Variants in ISM1 observed in about 807,000 individuals in gnomAD.
ISM1 encodes isthmin 1.
In ISM1, 25 loss-of-function variants were observed where a neutral mutation model predicts 46.3. That is an observed-to-expected ratio of 0.54 (90% CI 0.39 to 0.75). The LOEUF (loss-of-function observed/expected upper bound fraction) is 0.75. Ranked by LOEUF, ISM1 falls within the 30% of genes least tolerant of loss-of-function variation. The pLI, the probability that ISM1 is intolerant of heterozygous loss-of-function variation, is 0.00. For missense variants in ISM1, 536 were observed against 625.4 expected, an observed-to-expected ratio of 0.86 and a Z score of 1.52; for synonymous variants, 255 against 256.7, an observed-to-expected ratio of 0.99 and a Z score of 0.06.
chr20:13,255,067 T>C (rs76657491), intron 1 of ISM1, among the ~76,000 whole-genome samples: 9,321 of 152,194 alleles, frequency 0.061, 405 homozygotes, highest in Middle Eastern at 0.13. Context: ...AGCCCATAAA[T>C]AGAATAATTT....
chr20:13,277,879 C>T (rs549444841), intron 2 of ISM1, among the ~76,000 whole-genome samples: 9 of 152,116 alleles, frequency 5.9e-5, no homozygotes, highest in African/African-American at 1.4e-4. Flanking sequence ...AACCACAGCC[C>T]GGGCCCATTG....
Position 13,288,618 on chromosome 20 carries a change from C to G in ISM1, c.722C>G (p.Thr241Ser). The G allele has an allele frequency of 6.2e-7, 1 of 1,613,984 alleles. No homozygotes were observed. Among genetic ancestry groups the G allele is most frequent in the African/African-American group, 1.3e-5 (1 of 75,048 alleles). Residue 241 changes from threonine (T) to serine (S), a missense_variant, in exon 4 of 6, where the codon ACC becomes AGC. Transcript: ENST00000262487. Reference protein sequence around the residue: ...VTCGNGNQKRTRSCGYACTAT... With the variant: ...VTCGNGNQKRSRSCGYACTAT... ...TGCGGGAACGGCAACCAGAAACGGACCCGGTCTTGTGGCTACGCGTGCACT... is the reference window on the plus strand; with the variant it reads ...TGCGGGAACGGCAACCAGAAACGGAGCCGGTCTTGTGGCTACGCGTGCACT...
intron 1 of ISM1, among the ~76,000 whole-genome samples, chr20:13,231,001 C>A (rs1209057096): frequency 6.6e-6 from 1 of 152,098 alleles, no homozygotes; most frequent in Admixed American, 6.5e-5. Context: ...GATAATGTAC[C>A]CTTCTGGCTC....
Position 13,299,761 on chromosome 20 carries a change from A to G in ISM1, c.*302A>G, listed in dbSNP as rs541737173. 3.4e-5 allele frequency: 10 copies of G among 291,890 alleles called. No homozygotes were observed. Among genetic ancestry groups the G allele is most frequent in the African/African-American group, 1.7e-4 (8 of 47,920 alleles). 18.1% of individuals were successfully genotyped at this position (291,890 alleles called of 1,614,324 possible). ...TGGAAGCCACAGTGGGTGCGACTCA[A>G]TTCACACCCGGATCCAGAGTTTCAA... On this transcript the variant is annotated 3_prime_UTR_variant, in exon 6 of 6. Coordinates refer to ENST00000262487, the MANE Select transcript of ISM1 (RefSeq NM_080826.2). The surrounding 1 kb of genome is among the most constrained non-coding windows in gnomAD (Gnocchi z 5.8).
rs2039445240 is a variant in ISM1, at chr20:13,221,435, G to C, written c.-342G>C. ...CAGGGTGGCCTCCGGCCCGGCCCGGGTCCCGGGCTGTCCCGGGACCCAGTC... is the reference window on the plus strand; with the variant it reads ...CAGGGTGGCCTCCGGCCCGGCCCGGCTCCCGGGCTGTCCCGGGACCCAGTC... On this transcript the variant is annotated 5_prime_UTR_variant, in exon 1 of 6. Transcript: ENST00000262487. Among the ~76,000 whole-genome samples, 1 of 130,384 alleles carries C rather than the reference G, an allele frequency of 7.7e-6. No homozygotes were observed. The highest frequency in any genetic ancestry group is 2.3e-4 in the South Asian group (1 of 4,288). The allele number at this position is 130,384 out of a possible 152,430, so 85.5% of individuals were successfully genotyped here. A position where few individuals can be genotyped will look rare whatever the true frequency, so the allele number is the denominator to read the frequency against.
chr20:13,293,302 C>A (rs902296020), intron 5 of ISM1, among the ~76,000 whole-genome samples: 5 of 151,744 alleles, frequency 3.3e-5, no homozygotes, highest in African/African-American at 1.2e-4. Flanking sequence ...TAAATGTAAA[C>A]CAAACAAAAT....
chr20:13,248,041 T>C (rs944734237), intron 1 of ISM1, among the ~76,000 whole-genome samples: 3 of 152,164 alleles, frequency 2.0e-5, no homozygotes, highest in Admixed American at 2.0e-4. Context: ...GCAAACCTGA[T>C]TTTCCAAGTT....
chr20:13,314,318 ACC>A, the ISM1 span, among the ~76,000 whole-genome samples: 1 of 152,096 alleles, frequency 6.6e-6, no homozygotes, highest in African/African-American at 2.4e-5. Context: ...AAACCCCTAC[ACC>A]TAGGCATATG....
downstream of ISM1, among the ~76,000 whole-genome samples, chr20:13,305,298 A>G (rs957828366): frequency 2.0e-5 from 3 of 151,962 alleles, no homozygotes; most frequent in East Asian, 3.9e-4. Context: ...GTACTTTTCC[A>G]TAATTTTAGA....
intron 3 of ISM1, among the ~76,000 whole-genome samples, chr20:13,284,180 T>C (rs567244060): frequency 6.6e-6 from 1 of 152,354 alleles, no homozygotes; most frequent in South Asian, 2.1e-4. Flanking sequence ...CAGTAATCGG[T>C]AGACACTGTC....
intron 1 of ISM1, among the ~76,000 whole-genome samples, chr20:13,224,718 G>T (rs935817142): frequency 1.3e-5 from 2 of 151,916 alleles, no homozygotes; most frequent in Admixed American, 6.6e-5. Context: ...TCTTATTTAA[G>T]GATATATCAA....
At chr20:13,316,918 C>T in the ISM1 span, among the ~76,000 whole-genome samples, 1 of 151,596 alleles carries the variant, frequency 6.6e-6, no homozygotes, top group African/African-American at 2.4e-5. Context: ...CAACATCATA[C>T]TACAAGTCCT....
intron 2 of ISM1, among the ~76,000 whole-genome samples, chr20:13,274,941 C>A (rs1354805326): frequency 6.6e-6 from 1 of 152,126 alleles, no homozygotes; most frequent in Non-Finnish European, 1.5e-5. Flanking sequence ...TGGGTTTTAT[C>A]AAAAACAAAA....
chr20:13,249,169 A>G lies in ISM1; in HGVS notation c.139-21335A>G, dbSNP rs146582095. ...AATAAGGACACAAAGATCTGGGGGG[A>G]AAAAGCCAAATCTCACGGGAATCAG... is the stretch of plus-strand genomic sequence containing the variant. On this transcript the variant is annotated intron_variant, in intron 1 of 5. Transcript: ENST00000262487. Among the ~76,000 whole-genome samples the G allele has an allele frequency of 6.9e-3, 1,048 of 152,250 alleles. 9 individuals carry two copies. The highest frequency in any genetic ancestry group is 0.022 in the African/African-American group (897 of 41,534).
chr20:13,316,930 T>G, the ISM1 span, among the ~76,000 whole-genome samples: 1 of 151,440 alleles, frequency 6.6e-6, no homozygotes, highest in African/African-American at 2.4e-5. Flanking sequence ...ACAAGTCCTA[T>G]CTAATGCAAT....
intron 1 of ISM1, among the ~76,000 whole-genome samples, chr20:13,264,301 C>A (rs1472007319): frequency 6.6e-6 from 1 of 152,162 alleles, no homozygotes; most frequent in Non-Finnish European, 1.5e-5. Context: ...TCCTAGACAG[C>A]CACAATTTGT....
chr20:13,258,390 G>A (rs2039950983), intron 1 of ISM1, among the ~76,000 whole-genome samples: 1 of 152,060 alleles, frequency 6.6e-6, no homozygotes, highest in South Asian at 2.1e-4. Flanking sequence ...GGCTTTACTG[G>A]CCCTGGATAC....
At chr20:13,324,984 C>T in the ISM1 span, among the ~76,000 whole-genome samples, 3 of 152,200 alleles carry the variant, frequency 2.0e-5, no homozygotes, top group African/African-American at 2.4e-5. Flanking sequence ...TGTTTCTTTT[C>T]GGCTTCTTAT....
At chr20:13,309,174 A>G in the ISM1 span, among the ~76,000 whole-genome samples, 2 of 152,156 alleles carry the variant, frequency 1.3e-5, no homozygotes, top group African/African-American at 4.8e-5. Context: ...TAAAAATACT[A>G]AACTATGCAT....
Sources: gnomAD v4.1 joint callset for allele counts (sites outside exome capture counted in the v4.1 genomes callset) on GRCh38, gnomAD v4.1.1 for gene constraint, Gnocchi (gnomAD v3.1) non-coding constraint, MANE v1.5 for transcripts, NCBI Gene and HGNC (gene_info 2026-07-23, HGNC 2026-07-21) for gene names.